CNTNAP2: variants seen among roughly 807,000 people sequenced by gnomAD.
CNTNAP2 encodes contactin associated protein 2, also known as contactin-associated protein-like 2.
Under a neutral mutation model 155.2 loss-of-function variants are expected in CNTNAP2, and 98 were observed. The observed-to-expected ratio is 0.63, with a 90% confidence interval of 0.54 to 0.75. The LOEUF is 0.75. CNTNAP2 is among the 30% of genes least tolerant of loss of function. The probability of loss-of-function intolerance (pLI) is 0.00; values close to 1 mark genes in which losing one functional copy is unlikely to be tolerated. For missense variants in CNTNAP2, 1,727 were observed against 1,688.1 expected (o/e 1.02, Z -0.40); for synonymous variants, 651 against 631.2 (o/e 1.03, Z -0.47).
intron 11 of CNTNAP2, among the ~76,000 whole-genome samples, chr7:147,506,658 A>G (rs2116679955): frequency 6.6e-6 from 1 of 152,308 alleles, no homozygotes; most frequent in East Asian, 1.9e-4. Context: ...AATTGTACTA[A>G]ATGTAGTTAG....
chr7:147,123,930 T>G (rs1801172588), intron 6 of CNTNAP2, among the ~76,000 whole-genome samples: 1 of 152,142 alleles, frequency 6.6e-6, no homozygotes, highest in Non-Finnish European at 1.5e-5. Flanking sequence ...TAATCCCAGC[T>G]ACTTGGGAGG....
intron 3 of CNTNAP2, among the ~76,000 whole-genome samples, chr7:146,937,515 A>G (rs1033536401): frequency 2.0e-5 from 3 of 152,176 alleles, no homozygotes; most frequent in Non-Finnish European, 4.4e-5. Context: ...AAACCTTGCT[A>G]TGGGTAGTGC....
chr7:146,304,889 C>G (rs1053361689), intron 1 of CNTNAP2, among the ~76,000 whole-genome samples: 22 of 152,092 alleles, frequency 1.4e-4, no homozygotes, highest in African/African-American at 5.1e-4. Context: ...CATTCTCCCC[C>G]TCACTTTCAG....
intron 1 of CNTNAP2, among the ~76,000 whole-genome samples, chr7:146,251,520 T>C (rs1034113506): frequency 6.6e-6 from 1 of 152,202 alleles, no homozygotes; most frequent in Non-Finnish European, 1.5e-5. Flanking sequence ...AATTTTATTT[T>C]GAAGACTGAT....
rs574172895 is a variant in CNTNAP2 at position 147,453,377 on chromosome 7, T to C, written c.1671-32558T>C. 2.6e-5 allele frequency among the ~76,000 whole-genome samples: 4 copies of C among 152,262 alleles called. No individual in the cohort carries two copies. In the South Asian group the frequency reaches 6.2e-4, roughly 24 times the overall value. The stretch of plus-strand genomic sequence containing the variant: ...AAGTGAAGTTACCATTAGATACTTT[T>C]CTCATTATTGTGTACCTGTTGCTGT... On this transcript the variant is annotated intron_variant, in intron 10 of 23. Coordinates refer to ENST00000361727, the MANE Select transcript of CNTNAP2 (RefSeq NM_014141.6).
chr7:146,955,548 A>G (rs1157373179), intron 3 of CNTNAP2, among the ~76,000 whole-genome samples: 1 of 152,042 alleles, frequency 6.6e-6, no homozygotes, highest in Non-Finnish European at 1.5e-5. Flanking sequence ...AGGTAAACAT[A>G]GAAAATGGTA....
chr7:147,559,031 C>T (rs141211135), intron 11 of CNTNAP2, among the ~76,000 whole-genome samples: 35 of 152,218 alleles, frequency 2.3e-4, no homozygotes, highest in African/African-American at 6.7e-4. Flanking sequence ...CCACCATGCC[C>T]GGCCTAATAT....
intron 2 of CNTNAP2, among the ~76,000 whole-genome samples, chr7:146,807,222 G>A (rs537748850): frequency 2.0e-5 from 3 of 152,086 alleles, no homozygotes; most frequent in South Asian, 2.1e-4. Context: ...TAAAATTTTT[G>A]TACATCAAAT....
chr7:147,039,944 T>G, intron 3 of CNTNAP2, among the ~76,000 whole-genome samples: 1 of 151,978 alleles, frequency 6.6e-6, no homozygotes, highest in Non-Finnish European at 1.5e-5. Flanking sequence ...ACAAAGCAAA[T>G]ATTGACAAAT....
At chr7:147,142,106 CTG>C (rs923471640) in intron 8 of CNTNAP2, among the ~76,000 whole-genome samples, 52 of 152,146 alleles carry the variant, frequency 3.4e-4, no homozygotes, top group Non-Finnish European at 1.0e-4. Flanking sequence ...ACTTCCAACA[CTG>C]TGTTGAATAG....
At chr7:146,406,766 G>A (rs541970357) in intron 1 of CNTNAP2, among the ~76,000 whole-genome samples, 1 of 152,272 alleles carries the variant, frequency 6.6e-6, no homozygotes, top group Admixed American at 6.5e-5. Context: ...TAAGGTATCT[G>A]AAAAACCAGA....
chr7:147,724,960 C>T (rs1164763969), intron 13 of CNTNAP2, among the ~76,000 whole-genome samples: 2 of 151,978 alleles, frequency 1.3e-5, no homozygotes, highest in Non-Finnish European at 2.9e-5. Flanking sequence ...ACCCTAGACC[C>T]TTAGAAACAG....
intron 16 of CNTNAP2, among the ~76,000 whole-genome samples, chr7:148,143,476 C>T (rs938034464): frequency 8.5e-5 from 13 of 152,060 alleles, no homozygotes; most frequent in African/African-American, 1.9e-4. Flanking sequence ...CCCACGATTT[C>T]GAGATGAGCC....
intron 15 of CNTNAP2, among the ~76,000 whole-genome samples, chr7:148,073,766 A>G (rs1803424098): frequency 6.6e-6 from 1 of 151,354 alleles, no homozygotes; most frequent in Non-Finnish European, 1.5e-5. Context: ...GTCTTCTTTT[A>G]TGTGTTTTTT....
intron 8 of CNTNAP2, among the ~76,000 whole-genome samples, chr7:147,210,126 A>AC (rs1321497826): frequency 6.6e-6 from 1 of 151,718 alleles, no homozygotes; most frequent in Non-Finnish European, 1.5e-5. Context: ...TTAGGGTGGA[A>AC]CCCCTCCTCC....
chr7:147,659,251 G>T (rs577916319), intron 13 of CNTNAP2, among the ~76,000 whole-genome samples: 53 of 152,292 alleles, frequency 3.5e-4, no homozygotes, highest in African/African-American at 1.1e-3. Context: ...GGAATTCATT[G>T]TCAGGAAACT....
chr7:146,858,241 T>C (rs915973503), intron 3 of CNTNAP2, among the ~76,000 whole-genome samples: 1 of 152,204 alleles, frequency 6.6e-6, no homozygotes, highest in African/African-American at 2.4e-5. Flanking sequence ...GCAAATATGA[T>C]ATACAGATTC....
At chr7:147,729,834 G>A (rs1474322991) in intron 13 of CNTNAP2, among the ~76,000 whole-genome samples, 1 of 152,066 alleles carries the variant, frequency 6.6e-6, no homozygotes, top group Non-Finnish European at 1.5e-5. Flanking sequence ...CACCATTATA[G>A]AACATGACTT....
At chr7:146,366,398 C>T (rs557020973) in intron 1 of CNTNAP2, among the ~76,000 whole-genome samples, 64 of 151,952 alleles carry the variant, frequency 4.2e-4, no homozygotes, top group Middle Eastern at 3.4e-3. Flanking sequence ...AATAAGTATA[C>T]GTTATTAAAA....
Sources: gnomAD v4.1 joint callset for allele counts (sites outside exome capture counted in the v4.1 genomes callset) on GRCh38, gnomAD v4.1.1 for gene constraint, MANE v1.5 for transcripts, NCBI Gene and HGNC (gene_info 2026-07-23, HGNC 2026-07-21) for gene names.